The following CTNND2 variants were observed in gnomAD, a reference collection of about 807,000 sequenced individuals.
The protein encoded by CTNND2 is catenin delta 2.
In CTNND2, 22 loss-of-function variants were observed where a neutral mutation model predicts 144.4. The observed-to-expected ratio is 0.15, with a 90% CI of 0.11 to 0.22. The LOEUF (loss-of-function observed/expected upper bound fraction) is 0.22. CTNND2 is among the 10% of genes least tolerant of loss of function. The pLI, the probability that CTNND2 is intolerant of heterozygous loss-of-function variation, is 1.00. For synonymous variants in CTNND2, 751 were observed against 695.6 expected, an observed-to-expected ratio of 1.08 and a Z score of -1.25; for missense variants, 1,353 against 1,618.8, an observed-to-expected ratio of 0.84 and a Z score of 2.82.
intron 2 of CTNND2, among the ~76,000 whole-genome samples, chr5:11,722,930 G>C (rs575719162): frequency 2.1e-4 from 32 of 152,184 alleles, no homozygotes; most frequent in African/African-American, 7.5e-4. Flanking sequence ...AATCTGTAAT[G>C]ATTAAAACAT....
At chr5:11,476,533 A>G (rs1028263031) in intron 3 of CTNND2, among the ~76,000 whole-genome samples, 6 of 152,282 alleles carry the variant, frequency 3.9e-5, no homozygotes, top group Non-Finnish European at 8.8e-5. Flanking sequence ...TCACCTTTAC[A>G]TATAAAAAAC....
intron 2 of CTNND2, among the ~76,000 whole-genome samples, chr5:11,721,848 C>G (rs758769386): frequency 1.3e-5 from 2 of 152,234 alleles, no homozygotes; most frequent in South Asian, 2.1e-4. Context: ...GCATTCCCTT[C>G]CACCATAGTC....
intron 11 of CTNND2, among the ~76,000 whole-genome samples, chr5:11,172,031 G>A (rs1302984215): frequency 6.6e-6 from 1 of 152,068 alleles, no homozygotes; most frequent in South Asian, 2.1e-4. Flanking sequence ...GTATTAGGTC[G>A]GTGCAAAAGT....
intron 21 of CTNND2, among the ~76,000 whole-genome samples, chr5:10,978,707 G>A (rs1474694324): frequency 6.6e-6 from 1 of 152,188 alleles, no homozygotes; most frequent in African/African-American, 2.4e-5. Flanking sequence ...CATCCAGGGT[G>A]GATTTTAGCA....
chr5:11,645,739 CT>C (rs1434509850), intron 2 of CTNND2, among the ~76,000 whole-genome samples: 5 of 152,064 alleles, frequency 3.3e-5, no homozygotes, highest in African/African-American at 1.2e-4. Flanking sequence ...GTCCTTACTG[CT>C]TATCTAAGTT....
intron 7 of CTNND2, among the ~76,000 whole-genome samples, chr5:11,376,360 A>C (rs890726010): frequency 2.5e-3 from 36 of 14,578 alleles, no homozygotes; most frequent in African/African-American, 0.01. Flanking sequence ...TTCTTATTCT[A>C]AAGAGAAATA....
rs546207665 is a variant in CTNND2, at chr5:11,903,732, G to A, written c.37+85C>T. ...CGCCGCCTGCCGGCCGGGAGCCCAGGACCACCCCCACCAGCGGCAAGAGGA... is the reference window on the plus strand; with the variant it reads ...CGCCGCCTGCCGGCCGGGAGCCCAGAACCACCCCCACCAGCGGCAAGAGGA... On this transcript the variant is annotated intron_variant, in intron 1 of 21. Transcript: ENST00000304623. The surrounding 1 kb of genome is among the most constrained non-coding windows in gnomAD (Gnocchi z 5.4). 5.2e-4 allele frequency: 715 copies of A among 1,370,442 alleles called. 1 individual carries two copies. The highest frequency in any genetic ancestry group is 6.2e-4 in the Non-Finnish European group (647 of 1,036,022). 84.9% of individuals were successfully genotyped at this position (1,370,442 alleles called of 1,614,324 possible).
intron 1 of CTNND2, among the ~76,000 whole-genome samples, chr5:11,883,173 T>A (rs1023489346): frequency 6.6e-6 from 1 of 152,200 alleles, no homozygotes; most frequent in African/African-American, 2.4e-5. Flanking sequence ...CTTGAAACTT[T>A]ACTGCATTTA....
intron 1 of CTNND2, among the ~76,000 whole-genome samples, chr5:11,829,460 C>T (rs115879555): frequency 0.029 from 4,492 of 152,284 alleles, 238 homozygotes; most frequent in African/African-American, 0.1. Context: ...GCATCCCAGC[C>T]ATTCCAGTCA....
At chr5:11,225,937 G>A (rs928456743) in intron 10 of CTNND2, among the ~76,000 whole-genome samples, 3 of 152,176 alleles carry the variant, frequency 2.0e-5, no homozygotes, top group African/African-American at 7.2e-5. Flanking sequence ...GATACAGAAA[G>A]AAACACGCCT....
chr5:11,784,667 A>C (rs184833592), intron 1 of CTNND2, among the ~76,000 whole-genome samples: 5 of 152,366 alleles, frequency 3.3e-5, no homozygotes, highest in African/African-American at 1.2e-4. Flanking sequence ...TGGTTTTAAA[A>C]AGTGCCTAGA....
At chr5:11,619,341 G>C (rs777964643) in intron 2 of CTNND2, among the ~76,000 whole-genome samples, 2 of 152,200 alleles carry the variant, frequency 1.3e-5, no homozygotes. Context: ...CCGGCAGGCA[G>C]AGGTTGCATT....
chr5:11,355,249 T>G (rs1045088133), intron 8 of CTNND2, among the ~76,000 whole-genome samples: 2 of 152,136 alleles, frequency 1.3e-5, no homozygotes, highest in African/African-American at 4.8e-5. Context: ...AAGGTGTGTT[T>G]ATTTTTTCAA....
intron 2 of CTNND2, among the ~76,000 whole-genome samples, chr5:11,632,619 A>G (rs1269325022): frequency 6.6e-6 from 1 of 152,154 alleles, no homozygotes; most frequent in Non-Finnish European, 1.5e-5. Context: ...AACAACAACA[A>G]CAAACCAGAC....
chr5:11,657,686 A>T (rs58326455), intron 2 of CTNND2, among the ~76,000 whole-genome samples: 267 of 152,298 alleles, frequency 1.8e-3, no homozygotes, highest in African/African-American at 6.3e-3. Flanking sequence ...CTATTTAAGA[A>T]GTACATTTTG....
intron 3 of CTNND2, among the ~76,000 whole-genome samples, chr5:11,544,023 A>G (rs1774990950): frequency 6.6e-6 from 1 of 152,266 alleles, no homozygotes; most frequent in Non-Finnish European, 1.5e-5. Flanking sequence ...ATTAAAAACA[A>G]TAAATAGAAG....
At position 11,018,064 on chromosome 5, in the gene CTNND2, G is replaced by A; in HGVS notation, c.3000-6C>T. On this transcript the variant is annotated splice_region_variant and splice_polypyrimidine_tract_variant and intron_variant, in intron 17 of 21. Coordinates refer to ENST00000304623, the MANE Select transcript of CTNND2 (RefSeq NM_001332.4). ...TGACCACTTTTGGAGAGTGTCTGAT[G>A]AAGAAAAGACAGGAAAGGCAAGATG... 1 of 1,609,086 alleles carries A rather than the reference G, an allele frequency of 6.2e-7. No homozygotes were observed. Among genetic ancestry groups the A allele is most frequent in the Non-Finnish European group, 8.5e-7 (1 of 1,175,594 alleles).
At chr5:11,689,107 G>A (rs1024469621) in intron 2 of CTNND2, among the ~76,000 whole-genome samples, 6 of 152,178 alleles carry the variant, frequency 3.9e-5, no homozygotes, top group African/African-American at 1.4e-4. Context: ...AGTAGCTGTA[G>A]TATCTCTGAT....
chr5:11,018,134 T>C (rs1356498095), intron 17 of CTNND2, 76 bp from the exon 18 acceptor site: 1 of 913,704 alleles, frequency 1.1e-6, no homozygotes, highest in Non-Finnish European at 1.8e-6. Flanking sequence ...TTGTAGTATT[T>C]CAAACCTCTT....
Sources: gnomAD v4.1 joint callset for allele counts (sites outside exome capture counted in the v4.1 genomes callset) on GRCh38, gnomAD v4.1.1 for gene constraint, Gnocchi (gnomAD v3.1) non-coding constraint, MANE v1.5 for transcripts, NCBI Gene and HGNC (gene_info 2026-07-23, HGNC 2026-07-21) for gene names.